MORC3: variants seen among roughly 807,000 people sequenced by gnomAD.
MORC3 encodes the protein MORC family CW-type zinc finger protein 3.
Under a neutral mutation model 109.1 loss-of-function variants are expected in MORC3, and 31 were observed. That is an observed-to-expected ratio of 0.28 (90% CI 0.21 to 0.38). The LOEUF (loss-of-function observed/expected upper bound fraction) is 0.38, where lower values mean the gene tolerates loss of function less well. Ranked by LOEUF, MORC3 falls within the 10% of genes least tolerant of loss-of-function variation. The pLI, the probability that MORC3 is intolerant of heterozygous loss-of-function variation, is 1.00. For synonymous variants in MORC3, 395 were observed against 380.7 expected, an observed-to-expected ratio of 1.04 and a Z score of -0.44; for missense variants, 867 against 1,135.8, an observed-to-expected ratio of 0.76 and a Z score of 3.40.
At chr21:36,371,214 G>C (rs1020217984) in intron 15 of MORC3, among the ~76,000 whole-genome samples, 1 of 152,154 alleles carries the variant, frequency 6.6e-6, no homozygotes, top group African/African-American at 2.4e-5. Context: ...GCTAAAAAGA[G>C]TTTGGGAACC....
At chr21:36,360,340 T>C in intron 12 of MORC3, 82 bp downstream of exon 12, 4 of 1,364,122 alleles carry the variant, frequency 2.9e-6, no homozygotes, top group Non-Finnish European at 4.1e-6. Context: ...TTGATGCTTC[T>C]CCAAGGTAAA....
intron 3 of MORC3, 101 bp from the exon 4 acceptor site, chr21:36,337,631 A>G: frequency 5.0e-6 from 4 of 800,400 alleles, no homozygotes; most frequent in Non-Finnish European, 7.2e-6. Context: ...TTTACTTGGT[A>G]TTACAATTAA....
At chr21:36,324,421 G>T (rs551882756) in intron 1 of MORC3, among the ~76,000 whole-genome samples, 8 of 151,848 alleles carry the variant, frequency 5.3e-5, no homozygotes, top group African/African-American at 1.9e-4. Context: ...GGGACTACAA[G>T]CACCTGCCAC....
chr21:36,329,329 T>C (rs530602884), intron 1 of MORC3, among the ~76,000 whole-genome samples: 10 of 152,060 alleles, frequency 6.6e-5, no homozygotes, highest in African/African-American at 2.4e-4. Context: ...TTTACAAATT[T>C]GTGTTGGGCT....
intron 1 of MORC3, among the ~76,000 whole-genome samples, chr21:36,331,188 A>G (rs1005818524): frequency 6.6e-6 from 1 of 152,200 alleles, no homozygotes; most frequent in African/African-American, 2.4e-5. Context: ...TCACACTGCA[A>G]AGTGCTTTCC....
intron 7 of MORC3, 78 bp downstream of exon 7, chr21:36,344,785 T>G: frequency 3.2e-6 from 5 of 1,583,736 alleles, no homozygotes; most frequent in Non-Finnish European, 4.3e-6. Context: ...TATATGCTGA[T>G]AGGGATTCTA....
At chr21:36,345,425 T>G (rs2085496751) in intron 8 of MORC3, among the ~76,000 whole-genome samples, 1 of 150,808 alleles carries the variant, frequency 6.6e-6, no homozygotes, top group Admixed American at 6.6e-5. Context: ...TTTTTTTGTT[T>G]TTTGTTTTTT....
At chr21:36,334,388 C>T (rs556781633) in intron 2 of MORC3, among the ~76,000 whole-genome samples, 151 of 152,250 alleles carry the variant, frequency 9.9e-4, no homozygotes, top group South Asian at 6.6e-3. Flanking sequence ...TTAGGATTTA[C>T]TTTGCTAAGT....
intron 9 of MORC3, among the ~76,000 whole-genome samples, chr21:36,350,298 T>A (rs2085556238): frequency 6.6e-6 from 1 of 151,754 alleles, no homozygotes; most frequent in Non-Finnish European, 1.5e-5. Context: ...CAGAGTGAGA[T>A]CCCGTCTCAG....
rs545559328 is a variant in MORC3, at chr21:36,369,175, G to A, written c.1807G>A (p.Val603Ile). The change falls in exon 15 of 17, where the codon GTT becomes ATT. Residue 603 changes from valine to isoleucine, a missense_variant. Coordinates refer to ENST00000400485, the MANE Select transcript of MORC3 (RefSeq NM_015358.3). ...TGACATGAAATCAGAACAGAGTCAC[G>A]TTGAGCAAGGTGGTGTTCAGGTTGA... ...DIDMKSEQSH[V>I]EQGGVQVEFV... 5.0e-6 allele frequency: 8 copies of A among 1,614,024 alleles called. No homozygotes were observed. Among genetic ancestry groups the A allele is most frequent in the Admixed American group, 1.7e-5 (1 of 59,980 alleles).
At chr21:36,353,755 A>ATTTT (rs1202729285) in intron 9 of MORC3, among the ~76,000 whole-genome samples, 5 of 71,008 alleles carry the variant, frequency 7.0e-5, no homozygotes, top group African/African-American at 2.0e-4. Flanking sequence ...TAATTTTTGT[A>ATTTT]TTTTTTTTTT....
At chr21:36,322,214 A>G (rs1184847015) in intron 1 of MORC3, among the ~76,000 whole-genome samples, 1 of 152,206 alleles carries the variant, frequency 6.6e-6, no homozygotes, top group African/African-American at 2.4e-5. Context: ...TACAAATTTC[A>G]GTTTCCATAA....
intron 1 of MORC3, among the ~76,000 whole-genome samples, chr21:36,322,162 GAAAA>G (rs1258691376): frequency 6.6e-6 from 1 of 151,788 alleles, no homozygotes; most frequent in Admixed American, 6.6e-5. Context: ...AAATGGTTGA[GAAAA>G]AAAGAAGAAT....
chr21:36,331,517 A>G (rs906038337), intron 1 of MORC3, among the ~76,000 whole-genome samples: 3 of 151,974 alleles, frequency 2.0e-5, no homozygotes, highest in African/African-American at 4.8e-5. Flanking sequence ...AGAATGGTGT[A>G]AGTAAACCCG....
At chr21:36,334,967 C>CA (rs952700707) in intron 2 of MORC3, among the ~76,000 whole-genome samples, 2 of 151,850 alleles carry the variant, frequency 1.3e-5, no homozygotes, top group Admixed American at 6.6e-5. Context: ...CCCATCTCTA[C>CA]AAAAAATACA....
intron 8 of MORC3, among the ~76,000 whole-genome samples, chr21:36,345,574 G>T (rs1187923788): frequency 6.6e-6 from 1 of 151,474 alleles, no homozygotes; most frequent in Non-Finnish European, 1.5e-5. Context: ...GGCACGTGCC[G>T]CCACGCCTGG....
At position 36,369,356 on chromosome 21, in the gene MORC3, A is replaced by G. The variant is rs1601541811; in HGVS notation, c.1988A>G (p.Asn663Ser). Residue 663 changes from asparagine to serine, a missense_variant, in exon 15 of 17, where the codon AAT becomes AGT. Around this residue, in one of 7 missense-constraint regions of MORC3, gnomAD observed 486 missense variants for 502.1 expected, o/e 0.97. Coordinates refer to ENST00000400485, the MANE Select transcript of MORC3 (RefSeq NM_015358.3). ...GTTGAAGACGAGATAGACGTAAGAA[A>G]TGATGCAGTGATTCTGCCCTCCTGT... ...ETVEDEIDVR[N>S]DAVILPSCVE... 6.2e-7 allele frequency: 1 copy of G among 1,614,242 alleles called. No homozygotes were observed. The highest frequency in any genetic ancestry group is 1.3e-5 in the African/African-American group (1 of 75,068).
Position 36,369,674 on chromosome 21 carries a change from T to A in MORC3, c.2306T>A (p.Met769Lys). The A allele has an allele frequency of 2.5e-6, 4 of 1,614,220 alleles. No homozygotes were observed. The highest frequency in any genetic ancestry group is 3.4e-6 in the Non-Finnish European group (4 of 1,180,040). ...INGKSESPDH[M>K]VSQYQQALEE... ...GGCAAATCTGAAAGTCCAGACCATA[T>A]GGTATCTCAGTATCAGCAAGCTTTG... The change falls in exon 15 of 17, where the codon ATG becomes AAG. Residue 769 changes from methionine to lysine, a missense_variant. Met to Lys is a moderately conservative substitution (Grantham distance 95). Coordinates refer to ENST00000400485, the MANE Select transcript of MORC3 (RefSeq NM_015358.3).
chr21:36,348,533 G>A (rs2085537298), intron 8 of MORC3, among the ~76,000 whole-genome samples: 1 of 152,162 alleles, frequency 6.6e-6, no homozygotes, highest in Non-Finnish European at 1.5e-5. Context: ...TCAGCCTCCT[G>A]AGTAGCTGGG....
Sources: allele counts gnomAD v4.1 joint callset (sites outside exome capture counted in the v4.1 genomes callset), GRCh38; gene constraint gnomAD v4.1.1; regional missense constraint gnomAD v4.1.1; transcripts MANE v1.5; gene names NCBI Gene and HGNC (gene_info 2026-07-23, HGNC 2026-07-21).